Variants in MARCHF1 observed in about 807,000 individuals in gnomAD.
The protein encoded by MARCHF1 is E3 ubiquitin-protein ligase MARCHF1.
In MARCHF1, 40 loss-of-function variants were observed where a neutral mutation model predicts 54.2. The observed-to-expected ratio is 0.74, with a 90% confidence interval of 0.57 to 0.96. The LOEUF (loss-of-function observed/expected upper bound fraction) is 0.96. Ranked by LOEUF, MARCHF1 falls within the 40% of genes least tolerant of loss-of-function variation. The probability of loss-of-function intolerance (pLI) is 0.00; values close to 1 mark genes in which losing one functional copy is unlikely to be tolerated. For synonymous variants in MARCHF1, 236 were observed against 236.3 expected, an observed-to-expected ratio of 1.00 and a Z score of 0.01; for missense variants, 586 against 656.5, an observed-to-expected ratio of 0.89 and a Z score of 1.17.
intron 3 of MARCHF1, among the ~76,000 whole-genome samples, chr4:163,872,912 C>T (rs1441466964): frequency 5.3e-5 from 8 of 151,890 alleles, no homozygotes; most frequent in African/African-American, 9.7e-5. Context: ...GGCGTGGTGG[C>T]GGGCGCCTGT....
intron 2 of MARCHF1, among the ~76,000 whole-genome samples, chr4:163,996,634 C>G (rs1753082027): frequency 1.3e-5 from 2 of 152,084 alleles, no homozygotes; most frequent in Admixed American, 6.6e-5. Context: ...ATCTTCCCCA[C>G]CAATTCCTAC....
chr4:163,799,488 G>A (rs1432730550), intron 4 of MARCHF1, among the ~76,000 whole-genome samples: 1 of 151,964 alleles, frequency 6.6e-6, no homozygotes, highest in Non-Finnish European at 1.5e-5. Flanking sequence ...TGCTAAATCA[G>A]GCAAGTGTGA....
intron 3 of MARCHF1, among the ~76,000 whole-genome samples, chr4:163,908,104 T>G (rs1751110760): frequency 6.6e-6 from 1 of 152,144 alleles, no homozygotes; most frequent in African/African-American, 2.4e-5. Context: ...CTCACAGGAT[T>G]AATTCAGCAA....
intron 9 of MARCHF1, among the ~76,000 whole-genome samples, chr4:163,535,725 G>A (rs916524298): frequency 3.3e-5 from 5 of 150,900 alleles, no homozygotes; most frequent in African/African-American, 2.4e-5. Flanking sequence ...TCTATGCAGA[G>A]AGTCCATGCA....
rs578063993 is a variant in MARCHF1 at position 164,141,894 on chromosome 4, T to C, written c.-322-30232A>G. On this transcript the variant is annotated intron_variant, in intron 1 of 9. Transcript: ENST00000514618. ...ACGCAGAAGACCGGTGATTTCTGCA[T>C]TTCCATCTGAGGTACCGGGTTCATC... 7.8e-3 allele frequency among the ~76,000 whole-genome samples: 1,193 copies of C among 152,100 alleles called. 17 individuals are homozygous for C. The highest frequency in any genetic ancestry group is 0.028 in the African/African-American group (1,146 of 41,426).
chr4:163,831,285 G>A (rs1749017567), intron 4 of MARCHF1, among the ~76,000 whole-genome samples: 1 of 152,140 alleles, frequency 6.6e-6, no homozygotes, highest in South Asian at 2.1e-4. Flanking sequence ...TTAGAACCAA[G>A]TCTAAAGTCC....
intron 1 of MARCHF1, among the ~76,000 whole-genome samples, chr4:164,376,164 CAT>C (rs1731184794): frequency 6.6e-6 from 1 of 152,086 alleles, no homozygotes; most frequent in African/African-American, 2.4e-5. Flanking sequence ...CCAATAACTA[CAT>C]ATTAAAGTAT....
intron 8 of MARCHF1, chr4:163,584,938 T>C (rs1041203920): frequency 6.6e-5 from 10 of 152,230 alleles, no homozygotes; most frequent in African/African-American, 2.4e-4. Context: ...AGGCTACAGT[T>C]AGGCAAAAAG....
chr4:163,949,652 G>A (rs1361396769), intron 3 of MARCHF1, among the ~76,000 whole-genome samples: 6 of 152,138 alleles, frequency 3.9e-5, no homozygotes, highest in Non-Finnish European at 7.4e-5. Flanking sequence ...ACCCACAGTG[G>A]GTAGCTTCTC....
chr4:164,215,221 A>ACC (rs1731894123), intron 1 of MARCHF1, among the ~76,000 whole-genome samples: 1 of 152,072 alleles, frequency 6.6e-6, no homozygotes, highest in African/African-American at 2.4e-5. Context: ...CAGATGGGGG[A>ACC]GCCAGAAGAG....
At chr4:163,883,250 T>TAC (rs1750456482) in intron 3 of MARCHF1, among the ~76,000 whole-genome samples, 1 of 51,348 alleles carries the variant, frequency 1.9e-5, no homozygotes, top group Non-Finnish European at 4.3e-5. Flanking sequence ...TGTGTGTATA[T>TAC]ATATATATGA....
At chr4:164,096,203 T>C (rs1755408505) in intron 2 of MARCHF1, among the ~76,000 whole-genome samples, 1 of 152,152 alleles carries the variant, frequency 6.6e-6, no homozygotes, top group Non-Finnish European at 1.5e-5. Context: ...AAAGAATATG[T>C]GGTACATATA....
At chr4:163,977,354 C>T (rs1454176121) in intron 3 of MARCHF1, among the ~76,000 whole-genome samples, 3 of 152,040 alleles carry the variant, frequency 2.0e-5, no homozygotes, top group Non-Finnish European at 4.4e-5. Flanking sequence ...ATTTCCACAG[C>T]TTAAGGCACC....
intron 8 of MARCHF1, among the ~76,000 whole-genome samples, chr4:163,550,507 C>CTTT (rs35963243): frequency 3.5e-5 from 5 of 142,218 alleles, no homozygotes; most frequent in African/African-American, 1.0e-4. Context: ...TACGGTAGCC[C>CTTT]TTTTTTTTTT....
chr4:164,095,948 C>T (rs965781715), intron 2 of MARCHF1, among the ~76,000 whole-genome samples: 20 of 152,160 alleles, frequency 1.3e-4, no homozygotes, highest in Admixed American at 9.8e-4. Flanking sequence ...GAAAGGGGAA[C>T]GCTCATGCAG....
intron 1 of MARCHF1, among the ~76,000 whole-genome samples, chr4:164,191,952 TG>T (rs1253862056): frequency 1.3e-5 from 2 of 152,124 alleles, no homozygotes; most frequent in Non-Finnish European, 2.9e-5. Flanking sequence ...TTAGTTTATC[TG>T]GGGAAACTAG....
At chr4:163,638,284 T>G (rs1171510068) in intron 5 of MARCHF1, among the ~76,000 whole-genome samples, 18 of 147,990 alleles carry the variant, frequency 1.2e-4, no homozygotes, top group African/African-American at 4.2e-4. Flanking sequence ...GTAATCCCAG[T>G]GTTGGAGGTG....
intron 5 of MARCHF1, among the ~76,000 whole-genome samples, chr4:163,623,479 T>A (rs1017713335): frequency 1.3e-5 from 2 of 152,200 alleles, no homozygotes; most frequent in African/African-American, 4.8e-5. Flanking sequence ...ACTTACCTTC[T>A]ACTTTTTATT....
chr4:164,071,135 A>G (rs983396585), intron 2 of MARCHF1, among the ~76,000 whole-genome samples: 2 of 152,202 alleles, frequency 1.3e-5, no homozygotes, highest in African/African-American at 4.8e-5. Flanking sequence ...ACAAACTAAT[A>G]TAGTAATATA....
Sources: gnomAD v4.1 joint callset for allele counts (sites outside exome capture counted in the v4.1 genomes callset) on GRCh38, gnomAD v4.1.1 for gene constraint, MANE v1.5 for transcripts, NCBI Gene and HGNC (gene_info 2026-07-23, HGNC 2026-07-21) for gene names.